PRSS12: variants seen among roughly 807,000 people sequenced by gnomAD.
PRSS12 encodes the protein serine protease 12.
Under a neutral mutation model 104.4 loss-of-function variants are expected in PRSS12, and 85 were observed. The observed-to-expected ratio is 0.81, with a 90% CI of 0.68 to 0.98. The LOEUF (loss-of-function observed/expected upper bound fraction) is 0.98, where lower values mean the gene tolerates loss of function less well. Among genes scored for constraint, PRSS12 ranks in the 50% least tolerant of loss-of-function variants. PRSS12 has a pLI of 0.00. For missense variants in PRSS12, 1,141 were observed against 1,139.2 expected (o/e 1.00, Z -0.02); for synonymous variants, 454 against 425.2 (o/e 1.07, Z -0.83).
At chr4:118,332,080 C>A (rs1723936594) in intron 3 of PRSS12, among the ~76,000 whole-genome samples, 1 of 152,084 alleles carries the variant, frequency 6.6e-6, no homozygotes, top group Non-Finnish European at 1.5e-5. Flanking sequence ...ACAAGTAACT[C>A]TTAGGAGGAA....
intron 11 of PRSS12, 72 bp downstream of exon 11, chr4:118,294,867 T>C: frequency 6.3e-7 from 1 of 1,591,164 alleles, no homozygotes; most frequent in East Asian, 2.2e-5. Flanking sequence ...TTGAGTGCTG[T>C]AGAGCATGAG....
At chr4:118,295,726 T>TATA in intron 10 of PRSS12, 52 bp downstream of exon 10, 1 of 1,490,598 alleles carries the variant, frequency 6.7e-7, no homozygotes, top group Non-Finnish European at 9.4e-7. Context: ...TAACACTCTA[T>TATA]GTATATAAAT....
intron 1 of PRSS12, among the ~76,000 whole-genome samples, chr4:118,342,855 C>T (rs997093471): frequency 1.3e-5 from 2 of 152,100 alleles, no homozygotes; most frequent in Non-Finnish European, 2.9e-5. Context: ...AACTGTTTTC[C>T]TTCTAAGTAC....
chr4:118,332,993 T>C (rs1344934489), intron 3 of PRSS12, among the ~76,000 whole-genome samples: 1 of 152,152 alleles, frequency 6.6e-6, no homozygotes, highest in Non-Finnish European at 1.5e-5. Flanking sequence ...CAAAAAACCC[T>C]ACAGTGGTTC....
chr4:118,297,404 A>C (rs965695366), intron 9 of PRSS12, among the ~76,000 whole-genome samples: 3 of 152,148 alleles, frequency 2.0e-5, no homozygotes, highest in Non-Finnish European at 4.4e-5. Flanking sequence ...TTGTAATGGT[A>C]ATTTAAATTA....
chr4:118,314,090 A>C (rs1167697691), intron 6 of PRSS12, among the ~76,000 whole-genome samples: 2 of 152,162 alleles, frequency 1.3e-5, no homozygotes, highest in Non-Finnish European at 2.9e-5. Context: ...AAATTAAGTC[A>C]ATCTGCACCT....
At chr4:118,341,986 G>A (rs1724224030) in intron 1 of PRSS12, among the ~76,000 whole-genome samples, 3 of 152,184 alleles carry the variant, frequency 2.0e-5, no homozygotes, top group Non-Finnish European at 4.4e-5. Context: ...CAACTAGGAA[G>A]AGAAGCATAA....
chr4:118,308,403 A>G (rs750594380), intron 8 of PRSS12, 33 bp downstream of exon 8: 10 of 1,613,510 alleles, frequency 6.2e-6, no homozygotes, highest in Middle Eastern at 3.3e-4. Context: ...TATGCTCATC[A>G]GTAACCATCC....
intron 1 of PRSS12, among the ~76,000 whole-genome samples, chr4:118,347,879 T>C (rs1439055557): frequency 6.6e-6 from 1 of 152,194 alleles, no homozygotes; most frequent in African/African-American, 2.4e-5. Context: ...GGGAAATCAG[T>C]TGCCTGTTAA....
intron 3 of PRSS12, among the ~76,000 whole-genome samples, chr4:118,332,414 A>G (rs933812287): frequency 1.3e-5 from 2 of 152,192 alleles, no homozygotes; most frequent in African/African-American, 4.8e-5. Flanking sequence ...TTTGGGCATG[A>G]ATCAGCTCAT....
intron 6 of PRSS12, 25 bp from the exon 7 acceptor site, chr4:118,313,422 G>T (rs1318534924): frequency 6.2e-6 from 10 of 1,609,522 alleles, no homozygotes; most frequent in South Asian, 1.1e-5. Flanking sequence ...TAAACACTGT[G>T]TATAGAACTT....
At chr4:118,301,279 C>T (rs529837977) in intron 8 of PRSS12, among the ~76,000 whole-genome samples, 157 of 152,286 alleles carry the variant, frequency 1.0e-3, no homozygotes, top group Non-Finnish European at 1.5e-3. Flanking sequence ...TAATTCACAA[C>T]CTTGGCTACC....
intron 2 of PRSS12, among the ~76,000 whole-genome samples, chr4:118,337,258 T>C (rs1366761474): frequency 6.6e-6 from 1 of 152,194 alleles, no homozygotes; most frequent in Non-Finnish European, 1.5e-5. Context: ...TTCAGTCTTT[T>C]AGACTGTATT....
chr4:118,281,819 C>A lies in PRSS12; in HGVS notation c.*117G>T. ...GCAGCAGGGGGTACACAATTTTTTA[C>A]CACAACACAAAGCAAAAACAGATCT... On this transcript the variant is annotated 3_prime_UTR_variant, in exon 13 of 13. Transcript: ENST00000296498. The A allele has an allele frequency of 1.4e-6, 1 of 735,632 alleles. No homozygotes were observed. The highest frequency in any genetic ancestry group is 1.7e-5 in the African/African-American group (1 of 58,050). The allele number at this position is 735,632 out of a possible 1,614,324, so 45.6% of individuals were successfully genotyped here.
At chr4:118,321,623 A>C (rs774021184) in intron 4 of PRSS12, among the ~76,000 whole-genome samples, 3 of 152,210 alleles carry the variant, frequency 2.0e-5, no homozygotes, top group African/African-American at 4.8e-5. Flanking sequence ...TGGCACGTTA[A>C]GGAATCCCCA....
At position 118,282,605 on chromosome 4, in the gene PRSS12, C is replaced by G. The variant is rs761604090; in HGVS notation, c.2320+226G>C. ...TTCGCATTAGCACATCAATTCATAT[C>G]TACTTCACTGAATTAAACTGAGTTC... On this transcript the variant is annotated intron_variant, in intron 12 of 12. Coordinates refer to ENST00000296498, the MANE Select transcript of PRSS12 (RefSeq NM_003619.4). Among the ~76,000 whole-genome samples the G allele has an allele frequency of 3.2e-4, 49 of 152,326 alleles. 1 individual carries two copies. The highest frequency in any genetic ancestry group is 4.1e-4 in the South Asian group (2 of 4,830).
chr4:118,352,631 G>C lies in PRSS12; in HGVS notation c.90C>G (p.His30Gln). ...CAGGGGGCGAATGGCGGTGGCTGTG[G>C]TGGAGGGAATCATTGAGGACAGAAT... ...GFDSVLNDSLHHSHRHSPPAG... is the reference protein window; with the variant it reads ...GFDSVLNDSLQHSHRHSPPAG... The change falls in exon 1 of 13, where the codon CAC (histidine) becomes CAG (glutamine). Residue 30 changes from histidine to glutamine, a missense_variant. Transcript: ENST00000296498. 1.2e-6 allele frequency: 2 copies of C among 1,612,610 alleles called. No individual in the cohort carries two copies. The highest frequency in any genetic ancestry group is 8.5e-7 in the Non-Finnish European group (1 of 1,179,434).
intron 3 of PRSS12, 21 bp from the exon 4 acceptor site, chr4:118,331,887 A>G: frequency 1.2e-6 from 2 of 1,613,450 alleles, no homozygotes; most frequent in Non-Finnish European, 1.7e-6. Flanking sequence ...TGAAGTTAAA[A>G]ATAAGCAAAA....
intron 1 of PRSS12, among the ~76,000 whole-genome samples, chr4:118,347,636 C>T (rs1348998639): frequency 6.6e-6 from 1 of 152,160 alleles, no homozygotes; most frequent in African/African-American, 2.4e-5. Context: ...AAAGTGACTG[C>T]CCCTCCTAGG....
Sources: allele counts gnomAD v4.1 joint callset (sites outside exome capture counted in the v4.1 genomes callset), GRCh38; gene constraint gnomAD v4.1.1; transcripts MANE v1.5; gene names NCBI Gene and HGNC (gene_info 2026-07-23, HGNC 2026-07-21).